Variants in HIPK1 observed in about 807,000 individuals in gnomAD.
HIPK1 encodes the protein homeodomain-interacting protein kinase 1.
Under a neutral mutation model 117.1 loss-of-function variants are expected in HIPK1, and 28 were observed. The observed-to-expected ratio is 0.24, with a 90% confidence interval of 0.18 to 0.33. The LOEUF (loss-of-function observed/expected upper bound fraction) is 0.33. Ranked by LOEUF, HIPK1 falls within the 10% of genes least tolerant of loss-of-function variation. The pLI, the probability that HIPK1 is intolerant of heterozygous loss-of-function variation, is 1.00. For synonymous variants in HIPK1, 605 were observed against 562.5 expected (o/e 1.08, Z -1.07); for missense variants, 1,122 against 1,475.1 (o/e 0.76, Z 3.92).
chr1:113,940,322 T>G, intron 1 of HIPK1, 60 bp from the exon 2 acceptor site: 1 of 1,423,158 alleles, frequency 7.0e-7, no homozygotes, highest in Non-Finnish European at 9.5e-7. Context: ...TTGTGTGTTT[T>G]AAATCTAAGC....
Position 113,929,494 on chromosome 1 carries a change from A to C in HIPK1, c.-41A>C, listed in dbSNP as rs938219566. 3.1e-6 allele frequency: 4 copies of C among 1,289,202 alleles called. No individual in the cohort carries two copies. The African/African-American group carries it at 6.1e-5, about 20-fold the overall frequency. The allele number at this position is 1,289,202 out of a possible 1,614,324, so 79.9% of individuals were successfully genotyped here. A position where few individuals can be genotyped will look rare whatever the true frequency, so the allele number is the denominator to read the frequency against. ...CTCCTACTGCAATCAGTACTATGCGATCGTCCTAGAGAGTCCATTCAGCTG... is the reference window on the plus strand; with the variant it reads ...CTCCTACTGCAATCAGTACTATGCGCTCGTCCTAGAGAGTCCATTCAGCTG... On this transcript the variant is annotated 5_prime_UTR_variant, in exon 1 of 16. Coordinates refer to ENST00000426820, the MANE Select transcript of HIPK1 (RefSeq NM_198268.3).
In HIPK1 at chr1:113,973,553, C is replaced by T; in HGVS notation, c.*41C>T. On this transcript the variant is annotated 3_prime_UTR_variant, in exon 16 of 16. Coordinates refer to ENST00000426820, the MANE Select transcript of HIPK1 (RefSeq NM_198268.3). ...GAGGAGGAATCATGGCTACCTTCTC[C>T]TGGCCCTGCGTTCTTAATATTGGGC... 1.3e-6 allele frequency: 2 copies of T among 1,540,514 alleles called. No homozygotes were observed. Among genetic ancestry groups the T allele is most frequent in the Non-Finnish European group, 1.8e-6 (2 of 1,141,358 alleles).
chr1:113,938,304 A>G (rs555325915), intron 1 of HIPK1, among the ~76,000 whole-genome samples: 1 of 146,318 alleles, frequency 6.8e-6, no homozygotes, highest in African/African-American at 2.5e-5. Flanking sequence ...TTTTTTTGTT[A>G]ATGCTTCCCA....
chr1:113,952,915 T>C, intron 3 of HIPK1, 26 bp downstream of exon 3: 1 of 1,456,312 alleles, frequency 6.9e-7, no homozygotes, highest in Non-Finnish European at 9.1e-7. Flanking sequence ...TGAATGGAAA[T>C]AGAATGCAAA....
At chr1:113,961,942 C>CAAAA (rs957986733) in intron 8 of HIPK1, among the ~76,000 whole-genome samples, 6 of 32,302 alleles carry the variant, frequency 1.9e-4, no homozygotes, top group Non-Finnish European at 3.2e-4. Flanking sequence ...GACTCCATCT[C>CAAAA]AAAAAAAAAA....
At chr1:113,961,128 C>G (rs144116077) in intron 8 of HIPK1, among the ~76,000 whole-genome samples, 2 of 152,344 alleles carry the variant, frequency 1.3e-5, no homozygotes, top group African/African-American at 4.8e-5. Context: ...TGAAGGCTCT[C>G]AAGTCTTGAC....
rs1162574211 is a variant in HIPK1 at position 113,968,509 on chromosome 1, T to G, written c.2632T>G (p.Ser878Ala). 1 of 1,613,962 alleles carries G rather than the reference T, an allele frequency of 6.2e-7. No homozygotes were observed. Among genetic ancestry groups the G allele is most frequent in the Non-Finnish European group, 8.5e-7 (1 of 1,179,876 alleles). ...LVGSSPLRTTSSYNSLVPVQD... is the reference protein window; with the variant it reads ...LVGSSPLRTTASYNSLVPVQD... ...TGGGAGCAGTCCCCTCCGCACCACA[T>G]CTTCTTATAATTCCTTGGTCCCTGT... The change falls in exon 13 of 16, where the codon TCT becomes GCT. Residue 878 changes from serine to alanine, a missense_variant. By Grantham distance (99) the Ser-to-Ala change is moderately conservative. Coordinates refer to ENST00000426820, the MANE Select transcript of HIPK1 (RefSeq NM_198268.3).
chr1:113,942,478 C>T (rs1014642873), intron 2 of HIPK1, among the ~76,000 whole-genome samples: 1 of 152,180 alleles, frequency 6.6e-6, no homozygotes, highest in Non-Finnish European at 1.5e-5. Context: ...GTGGGAATAA[C>T]TCTAGGTTTA....
intron 10 of HIPK1, among the ~76,000 whole-genome samples, chr1:113,964,450 T>G (rs1672323327): frequency 6.6e-6 from 1 of 152,200 alleles, no homozygotes; most frequent in Non-Finnish European, 1.5e-5. Flanking sequence ...TGTTTTGGTT[T>G]ATATGGGGAG....
At chr1:113,935,564 TG>T (rs1016054678) in intron 1 of HIPK1, among the ~76,000 whole-genome samples, 13 of 152,262 alleles carry the variant, frequency 8.5e-5, no homozygotes, top group African/African-American at 2.9e-4. Context: ...CTGGATCTAA[TG>T]GTAATTCTGT....
At position 113,955,158 on chromosome 1, in the gene HIPK1, A is replaced by G. The variant is rs149055514; in HGVS notation, c.1320+388A>G. Among the ~76,000 whole-genome samples, 168 of 152,366 alleles carry G rather than the reference A, an allele frequency of 1.1e-3. No individual in the cohort carries two copies. The East Asian group carries it at 0.025, about 23-fold the overall frequency. On this transcript the variant is annotated intron_variant, in intron 4 of 15. Transcript: ENST00000426820. ...TTCTATATTTTTTCTTGAAACAAAT[A>G]CCTGCTTTTTACTTCTGAGCCTACT...
At chr1:113,948,269 T>G (rs932720827) in intron 2 of HIPK1, among the ~76,000 whole-genome samples, 1 of 152,154 alleles carries the variant, frequency 6.6e-6, no homozygotes, top group Non-Finnish European at 1.5e-5. Flanking sequence ...TTACTGCTTT[T>G]TTGTTTGTTT....
chr1:113,951,292 A>T, intron 2 of HIPK1: 1 of 981,050 alleles, frequency 1.0e-6, no homozygotes, highest in Non-Finnish European at 1.2e-6. Flanking sequence ...TACATAGATG[A>T]GTATGTACTT....
At chr1:113,939,267 G>A (rs1219463546) in intron 1 of HIPK1, among the ~76,000 whole-genome samples, 1 of 151,226 alleles carries the variant, frequency 6.6e-6, no homozygotes, top group Non-Finnish European at 1.5e-5. Flanking sequence ...GATCACTTCT[G>A]CCTTCTGAGT....
chr1:113,971,753 A>C lies in HIPK1; in HGVS notation c.3014-71A>C. 4.1e-6 allele frequency: 6 copies of C among 1,479,022 alleles called. No homozygotes were observed. In the South Asian group the frequency reaches 7.9e-5, roughly 19 times the overall value. 91.6% of individuals were successfully genotyped at this position (1,479,022 alleles called of 1,614,324 possible). A position where few individuals can be genotyped will look rare whatever the true frequency, so the allele number is the denominator to read the frequency against. On this transcript the variant is annotated intron_variant, in intron 14 of 15. Coordinates refer to ENST00000426820, the MANE Select transcript of HIPK1 (RefSeq NM_198268.3). ...GCAAACTACATACAGATGTGGACTAATTAATATGATGCCATCTGAGGTTAG... is the reference window on the plus strand; with the variant it reads ...GCAAACTACATACAGATGTGGACTACTTAATATGATGCCATCTGAGGTTAG...
intron 2 of HIPK1, among the ~76,000 whole-genome samples, chr1:113,949,600 C>CTTTTT (rs11465018): frequency 6.7e-5 from 9 of 133,362 alleles, no homozygotes; most frequent in Non-Finnish European, 9.5e-5. Context: ...CTTTTCTTTT[C>CTTTTT]TTTTTTTTTT....
At chr1:113,929,658 C>A in intron 1 of HIPK1, 126 bp downstream of exon 1, 1 of 948,572 alleles carries the variant, frequency 1.1e-6, no homozygotes, top group Non-Finnish European at 1.4e-6. Flanking sequence ...GCAAGGGGCC[C>A]GGCGGTAGCC....
chr1:113,948,569 T>A (rs1571680479), intron 2 of HIPK1, among the ~76,000 whole-genome samples: 2 of 151,524 alleles, frequency 1.3e-5, no homozygotes, highest in African/African-American at 4.9e-5. Flanking sequence ...TTTTTTTTTT[T>A]AAACTGCTTT....
At chr1:113,949,554 C>T (rs1347293097) in intron 2 of HIPK1, among the ~76,000 whole-genome samples, 1 of 151,890 alleles carries the variant, frequency 6.6e-6, no homozygotes, top group Non-Finnish European at 1.5e-5. Context: ...TGCCTCTAGC[C>T]ACCTGCAACA....
Sources: allele counts gnomAD v4.1 joint callset (sites outside exome capture counted in the v4.1 genomes callset), GRCh38; gene constraint gnomAD v4.1.1; transcripts MANE v1.5; gene names NCBI Gene and HGNC (gene_info 2026-07-23, HGNC 2026-07-21).